PNPLA7: variants seen among roughly 807,000 people sequenced by gnomAD.
PNPLA7 encodes patatin-like phospholipase domain-containing protein 7.
PNPLA7 carries 153 observed loss-of-function variants against 161.7 expected under a neutral mutation model. The observed-to-expected ratio is 0.95, with a 90% confidence interval of 0.83 to 1.08. PNPLA7 has a LOEUF of 1.08. Among genes scored for constraint, PNPLA7 ranks in the 50% least tolerant of loss-of-function variants. PNPLA7 has a pLI of 0.00. For synonymous variants in PNPLA7, 809 were observed against 782.1 expected (o/e 1.03, Z -0.57); for missense variants, 1,739 against 1,856.6 (o/e 0.94, Z 1.16).
chr9:137,537,608 C>T lies in PNPLA7; in HGVS notation c.747+3034G>A, dbSNP rs548430819. On this transcript the variant is annotated intron_variant, in intron 8 of 34. Coordinates refer to ENST00000406427, the MANE Select transcript of PNPLA7 (RefSeq NM_001098537.3). This position sits in a 1 kb window ranked among gnomAD's most constrained non-coding sequence, Gnocchi z 4.5. ...GGGATTACAGGCGTGAGCCACCGTGCTCAGCCAATCACCTCCCATTTTTTA... is the reference window on the plus strand; with the variant it reads ...GGGATTACAGGCGTGAGCCACCGTGTTCAGCCAATCACCTCCCATTTTTTA... Among the ~76,000 whole-genome samples, 1 of 152,314 alleles carries T rather than the reference C, an allele frequency of 6.6e-6. No homozygotes were observed. Among genetic ancestry groups the T allele is most frequent in the Admixed American group, 6.5e-5 (1 of 15,296 alleles).
At chr9:137,501,621 C>A in intron 15 of PNPLA7, 29 bp downstream of exon 15, 1 of 1,603,912 alleles carries the variant, frequency 6.2e-7, no homozygotes. Context: ...TTGGGTGGTC[C>A]CAGTGCCCCC....
intron 8 of PNPLA7, among the ~76,000 whole-genome samples, chr9:137,526,617 A>C (rs1176784140): frequency 6.6e-6 from 1 of 152,154 alleles, no homozygotes; most frequent in Non-Finnish European, 1.5e-5. Context: ...TTGTTCTAGA[A>C]TATTGAATCT....
intron 12 of PNPLA7, among the ~76,000 whole-genome samples, chr9:137,512,220 C>A (rs1312492726): frequency 1.3e-5 from 2 of 152,276 alleles, no homozygotes; most frequent in Non-Finnish European, 2.9e-5. Context: ...GCAGCCCCAA[C>A]AGAAATGTGT....
rs149402130 is a variant in PNPLA7 at position 137,501,698 on chromosome 9, C to G, written c.1503G>C (p.Ala501=). The part of the protein sequence containing the change: ...EDSSLLDGRV[A]LLHVPAGTVV... ...CCGTGCCTGCAGGAACGTGCAGAAG[C>G]GCCACCCGGCCATCCAACAGAGATG... is the stretch of plus-strand genomic sequence containing the variant. Residue 501 remains alanine, a synonymous_variant, in exon 15 of 35, where the codon GCG becomes GCC. Coordinates refer to ENST00000406427, the MANE Select transcript of PNPLA7 (RefSeq NM_001098537.3). 5 of 1,612,594 alleles carry G rather than the reference C, an allele frequency of 3.1e-6. No individual in the cohort carries two copies. In the East Asian group the frequency reaches 1.1e-4, roughly 36 times the overall value.
intron 21 of PNPLA7, among the ~76,000 whole-genome samples, chr9:137,483,778 G>A (rs1832338304): frequency 2.0e-5 from 3 of 151,964 alleles, no homozygotes; most frequent in Admixed American, 1.3e-4. Flanking sequence ...ATAAGTATTC[G>A]ATGTTTATAG....
chr9:137,543,903 C>T lies in PNPLA7; in HGVS notation c.274-88G>A, dbSNP rs539950694. On this transcript the variant is annotated intron_variant, in intron 4 of 34. Transcript: ENST00000406427. This position sits in a 1 kb window ranked among gnomAD's most constrained non-coding sequence, Gnocchi z 6.9. ...CATGGGGATCAGTCCTCAGGACCTGCCTGTGGGCCTCCCACAGTCCCAGCT... is the reference window on the plus strand; with the variant it reads ...CATGGGGATCAGTCCTCAGGACCTGTCTGTGGGCCTCCCACAGTCCCAGCT... 1.0e-4 allele frequency: 113 copies of T among 1,096,596 alleles called. 1 individual carries two copies. In the South Asian group the frequency reaches 1.3e-3, roughly 13 times the overall value. The allele number at this position is 1,096,596 out of a possible 1,614,324, so 67.9% of individuals were successfully genotyped here. A position where few individuals can be genotyped will look rare whatever the true frequency, so the allele number is the denominator to read the frequency against.
intron 23 of PNPLA7, chr9:137,479,828 GC>G: frequency 1.0e-6 from 1 of 985,462 alleles, no homozygotes; most frequent in Non-Finnish European, 1.2e-6. Context: ...ACAGCCTGGG[GC>G]CAGCGTCCCG....
At position 137,500,429 on chromosome 9, in the gene PNPLA7, A is replaced by G. The variant is rs1392412313; in HGVS notation, c.1757+262T>C. Among the ~76,000 whole-genome samples the G allele has an allele frequency of 6.6e-6, 1 of 152,170 alleles. No homozygotes were observed. Among genetic ancestry groups the G allele is most frequent in the Non-Finnish European group, 1.5e-5 (1 of 68,016 alleles). Reference sequence around the variant, plus strand: ...GGACACGGCTGAGACCAGACCACAGACCAGTGATAAATGGACACAGCTGGG... The same window carrying G: ...GGACACGGCTGAGACCAGACCACAGGCCAGTGATAAATGGACACAGCTGGG... On this transcript the variant is annotated intron_variant, in intron 16 of 34. Coordinates refer to ENST00000406427, the MANE Select transcript of PNPLA7 (RefSeq NM_001098537.3). This position sits in a 1 kb window ranked among gnomAD's most constrained non-coding sequence, Gnocchi z 5.5.
chr9:137,508,921 C>A (rs1423933109), intron 12 of PNPLA7: 1 of 152,206 alleles, frequency 6.6e-6, no homozygotes, highest in Non-Finnish European at 1.5e-5. Flanking sequence ...GGGCAAAAGA[C>A]AAAGAAGGCT....
chr9:137,519,090 AC>A (rs920977831), intron 11 of PNPLA7, among the ~76,000 whole-genome samples: 1 of 150,738 alleles, frequency 6.6e-6, no homozygotes, highest in African/African-American at 2.4e-5. Context: ...TCCATCCCCC[AC>A]TCACTCACTC....
At chr9:137,481,164 G>A in intron 21 of PNPLA7, 141 bp from the exon 22 acceptor site, 1 of 842,806 alleles carries the variant, frequency 1.2e-6, no homozygotes, top group Admixed American at 2.1e-5. Flanking sequence ...AAGGCAGTGA[G>A]AGTCCACTCC....
At chr9:137,536,261 T>C (rs1180193707) in intron 8 of PNPLA7, among the ~76,000 whole-genome samples, 1 of 152,100 alleles carries the variant, frequency 6.6e-6, no homozygotes, top group Non-Finnish European at 1.5e-5. Context: ...CCTGGCATCC[T>C]GTCTCAGGAA....
At position 137,476,911 on chromosome 9, in the gene PNPLA7, G is replaced by C. The variant is rs1288575794; in HGVS notation, c.2882+1123C>G. Among the ~76,000 whole-genome samples the C allele has an allele frequency of 2.6e-5, 4 of 152,224 alleles. No homozygotes were observed. The highest frequency in any genetic ancestry group is 2.0e-4 in the Admixed American group (3 of 15,286). On this transcript the variant is annotated intron_variant, in intron 25 of 34. Coordinates refer to ENST00000406427, the MANE Select transcript of PNPLA7 (RefSeq NM_001098537.3). This position sits in a 1 kb window ranked among gnomAD's most constrained non-coding sequence, Gnocchi z 4.5. ...GTCCCTTAGACAGAAGGATGCAGTG[G>C]GCACCTCATCACCTAGAACAGCCCC...
chr9:137,464,123 C>A lies in PNPLA7; in HGVS notation c.3226+3G>T. On this transcript the variant is annotated splice_donor_region_variant and intron_variant, in intron 28 of 34. Transcript: ENST00000406427. ...GGCCGCCCTGCGCAGCAGGAGTGCT[C>A]ACCGTCGGTGTGGACCCGCATGGCC... 1 of 1,613,288 alleles carries A rather than the reference C, an allele frequency of 6.2e-7. No homozygotes were observed. Among genetic ancestry groups the A allele is most frequent in the Non-Finnish European group, 8.5e-7 (1 of 1,179,870 alleles).
intron 12 of PNPLA7, among the ~76,000 whole-genome samples, chr9:137,512,135 G>A (rs987613465): frequency 2.0e-5 from 3 of 152,228 alleles, no homozygotes; most frequent in Non-Finnish European, 4.4e-5. Flanking sequence ...CTTTGCACAT[G>A]AAGAGAAAAC....
At chr9:137,510,808 G>A (rs765181991) in intron 12 of PNPLA7, among the ~76,000 whole-genome samples, 21 of 152,208 alleles carry the variant, frequency 1.4e-4, no homozygotes, top group African/African-American at 4.6e-4. Context: ...CAGTGCCCCC[G>A]TGTGGGCGGA....
At position 137,550,384 on chromosome 9, in the gene PNPLA7, T is replaced by C; in HGVS notation, c.-187A>G. On this transcript the variant is annotated 5_prime_UTR_variant, in exon 1 of 35. Coordinates refer to ENST00000406427, the MANE Select transcript of PNPLA7 (RefSeq NM_001098537.3). ...TTCTCCAGGAAGAAAAGCTGTCTTT[T>C]GAGAAGTGTCTGTCATCTGCTAGGA... 4.4e-6 allele frequency: 3 copies of C among 681,686 alleles called. No individual in the cohort carries two copies. The highest frequency in any genetic ancestry group is 5.5e-5 in the East Asian group (2 of 36,514). The allele number at this position is 681,686 out of a possible 1,614,324, so 42.2% of individuals were successfully genotyped here.
At chr9:137,522,175 T>A (rs187674092) in intron 9 of PNPLA7, among the ~76,000 whole-genome samples, 4 of 152,262 alleles carry the variant, frequency 2.6e-5, no homozygotes, top group East Asian at 3.9e-4. Context: ...CCCGGGTTCA[T>A]GCCGTTCTCC....
rs143963044 is a variant in PNPLA7 at position 137,521,766 on chromosome 9, C to A, written c.877-50G>T. 2,116 of 1,539,394 alleles carry A rather than the reference C, an allele frequency of 1.4e-3. 27 individuals carry two copies. In the African/African-American group the frequency reaches 0.026, roughly 19 times the overall value. On this transcript the variant is annotated intron_variant, in intron 9 of 34. Coordinates refer to ENST00000406427, the MANE Select transcript of PNPLA7 (RefSeq NM_001098537.3). ...GTGACCACCGGCCTGGGGTACAGGG[C>A]GGGCCCCCGGCAGCACCACACAGAG... is the stretch of plus-strand genomic sequence containing the variant.
Sources: allele counts gnomAD v4.1 joint callset (sites outside exome capture counted in the v4.1 genomes callset), GRCh38; gene constraint gnomAD v4.1.1; non-coding constraint Gnocchi (gnomAD v3.1); transcripts MANE v1.5; gene names NCBI Gene and HGNC (gene_info 2026-07-23, HGNC 2026-07-21).